Variants in LRRC4C observed in about 807,000 individuals in gnomAD.
The protein encoded by LRRC4C is leucine-rich repeat-containing protein 4C.
Under a neutral mutation model 33.6 loss-of-function variants are expected in LRRC4C, and 5 were observed. The ratio of observed to expected loss-of-function variants is 0.15; its 90% CI spans 0.08 to 0.31. LRRC4C has a LOEUF of 0.31. Ranked by LOEUF, LRRC4C falls within the 10% of genes least tolerant of loss-of-function variation. LRRC4C has a pLI of 1.00. For synonymous variants in LRRC4C, 329 were observed against 302.0 expected, an observed-to-expected ratio of 1.09 and a Z score of -0.93; for missense variants, 560 against 796.7, an observed-to-expected ratio of 0.70 and a Z score of 3.58.
At chr11:41,432,348 T>C (rs1275080303) in intron 1 of LRRC4C, among the ~76,000 whole-genome samples, 1 of 152,154 alleles carries the variant, frequency 6.6e-6, no homozygotes. Context: ...CTTGTATCAG[T>C]CATTACCACT....
chr11:40,999,086 C>G (rs576206617), intron 1 of LRRC4C, among the ~76,000 whole-genome samples: 5 of 152,208 alleles, frequency 3.3e-5, no homozygotes, highest in African/African-American at 9.6e-5. Context: ...GACTGCAGAT[C>G]GATGAACACA....
chr11:40,670,957 G>T (rs1303737286), intron 2 of LRRC4C, among the ~76,000 whole-genome samples: 1 of 152,090 alleles, frequency 6.6e-6, no homozygotes, highest in African/African-American at 2.4e-5. Flanking sequence ...TAGAGATGGG[G>T]TTTCACCGTG....
intron 3 of LRRC4C, among the ~76,000 whole-genome samples, chr11:40,368,831 A>G (rs1375291597): frequency 6.6e-6 from 1 of 152,142 alleles, no homozygotes; most frequent in Admixed American, 6.5e-5. Context: ...AATGTGTTCT[A>G]TCATGTAAAA....
intron 1 of LRRC4C, among the ~76,000 whole-genome samples, chr11:41,073,208 G>A (rs1938843546): frequency 6.6e-6 from 1 of 152,248 alleles, no homozygotes; most frequent in Non-Finnish European, 1.5e-5. Context: ...TGGCTGGAAG[G>A]TTCAAGATTG....
chr11:40,341,040 T>C (rs12785682), intron 3 of LRRC4C, among the ~76,000 whole-genome samples: 24,914 of 152,154 alleles, frequency 0.16, 2,415 homozygotes, highest in East Asian at 0.3. Context: ...CAAGGCTCTA[T>C]TGAAAGTTTT....
At chr11:40,242,353 C>A (rs1865983885) in intron 4 of LRRC4C, among the ~76,000 whole-genome samples, 1 of 152,170 alleles carries the variant, frequency 6.6e-6, no homozygotes, top group African/African-American at 2.4e-5. Flanking sequence ...GGGACAGTAT[C>A]TTTGAAATGG....
At position 41,138,539 on chromosome 11, in the gene LRRC4C, G is replaced by T. The variant is rs139036922; in HGVS notation, c.-495-204816C>A. ...ATCATTTGGTATAAATATTGAAAGA[G>T]AAGTTAGTTAAAAAGGACATGAAAA... is the stretch of plus-strand genomic sequence containing the variant. On this transcript the variant is annotated intron_variant, in intron 1 of 6. Coordinates refer to ENST00000528697, the MANE Select transcript of LRRC4C (RefSeq NM_001258419.2). 2.1e-4 allele frequency among the ~76,000 whole-genome samples: 32 copies of T among 152,244 alleles called. No homozygotes were observed. The East Asian group carries it at 6.0e-3, about 28-fold the overall frequency.
intron 1 of LRRC4C, among the ~76,000 whole-genome samples, chr11:41,178,221 T>C (rs1448828118): frequency 6.6e-6 from 1 of 152,220 alleles, no homozygotes; most frequent in Non-Finnish European, 1.5e-5. Context: ...GATTCAAATA[T>C]TCTTTGATAA....
intron 1 of LRRC4C, among the ~76,000 whole-genome samples, chr11:40,988,703 C>A (rs372380538): frequency 8.5e-6 from 1 of 117,212 alleles, no homozygotes; most frequent in Non-Finnish European, 1.8e-5. Flanking sequence ...GTTTTCCTTT[C>A]TTTTCTTTTC....
At chr11:40,585,440 AT>A (rs749773708) in intron 3 of LRRC4C, among the ~76,000 whole-genome samples, 1 of 151,884 alleles carries the variant, frequency 6.6e-6, no homozygotes, top group Non-Finnish European at 1.5e-5. Context: ...AAAAAAAGAC[AT>A]TGAGTGTGTT....
intron 2 of LRRC4C, among the ~76,000 whole-genome samples, chr11:40,882,599 T>C (rs537585840): frequency 6.6e-6 from 1 of 152,204 alleles, no homozygotes; most frequent in Admixed American, 6.6e-5. Flanking sequence ...CTCTGCCTAG[T>C]GATGTCCTAC....
At chr11:40,669,197 C>T (rs1458036367) in intron 2 of LRRC4C, among the ~76,000 whole-genome samples, 1 of 152,076 alleles carries the variant, frequency 6.6e-6, no homozygotes, top group Non-Finnish European at 1.5e-5. Flanking sequence ...ATGCCCATAT[C>T]GAATTCACAA....
intron 1 of LRRC4C, among the ~76,000 whole-genome samples, chr11:41,159,919 AG>A (rs1944392943): frequency 6.6e-6 from 1 of 152,176 alleles, no homozygotes; most frequent in African/African-American, 2.4e-5. Context: ...GTCATTAAAA[AG>A]AATGATGTGC....
intron 2 of LRRC4C, among the ~76,000 whole-genome samples, chr11:40,927,092 T>C (rs1957435126): frequency 6.6e-6 from 1 of 152,166 alleles, no homozygotes; most frequent in South Asian, 2.1e-4. Flanking sequence ...AAGAATATTA[T>C]CAGTCAGGCA....
At chr11:40,922,011 A>T (rs192372838) in intron 2 of LRRC4C, among the ~76,000 whole-genome samples, 1 of 152,302 alleles carries the variant, frequency 6.6e-6, no homozygotes, top group Admixed American at 6.5e-5. Flanking sequence ...TCATGAGTAT[A>T]ACAAATTCAA....
intron 1 of LRRC4C, among the ~76,000 whole-genome samples, chr11:41,021,283 C>T (rs1855967242): frequency 1.2e-5 from 1 of 81,566 alleles, no homozygotes; most frequent in African/African-American, 4.2e-5. Context: ...AAAAGAAAAT[C>T]TCCAAGAAAT....
At chr11:41,419,776 GTCACA>G (rs1198400274) in intron 1 of LRRC4C, among the ~76,000 whole-genome samples, 1 of 151,830 alleles carries the variant, frequency 6.6e-6, no homozygotes, top group African/African-American at 2.4e-5. Context: ...CAGAGGTAAA[GTCACA>G]TATGAAGGTT....
At chr11:40,370,956 T>C (rs1483656136) in intron 3 of LRRC4C, among the ~76,000 whole-genome samples, 1 of 152,264 alleles carries the variant, frequency 6.6e-6, no homozygotes, top group East Asian at 1.9e-4. Context: ...ATTTGTAAAG[T>C]TTTAACGTGA....
At chr11:40,795,547 A>T (rs1473853259) in intron 2 of LRRC4C, among the ~76,000 whole-genome samples, 1 of 152,040 alleles carries the variant, frequency 6.6e-6, no homozygotes, top group Non-Finnish European at 1.5e-5. Context: ...ATAAATAAAT[A>T]AAATAAAATA....
Sources: allele counts gnomAD v4.1 joint callset (sites outside exome capture counted in the v4.1 genomes callset), GRCh38; gene constraint gnomAD v4.1.1; transcripts MANE v1.5; gene names NCBI Gene and HGNC (gene_info 2026-07-23, HGNC 2026-07-21).